Variants in CPO observed in about 807,000 individuals in gnomAD.
The protein encoded by CPO is metallocarboxypeptidase C.
CPO carries 43 observed loss-of-function variants against 41.2 expected under a neutral mutation model. The observed-to-expected ratio is 1.04, with a 90% CI of 0.82 to 1.35. The LOEUF (loss-of-function observed/expected upper bound fraction) is 1.35, where lower values mean the gene tolerates loss of function less well. CPO is among the 40% of genes most tolerant of loss of function. The pLI, the probability that CPO is intolerant of heterozygous loss-of-function variation, is 0.00. For missense variants in CPO, 408 were observed against 451.7 expected, an observed-to-expected ratio of 0.90 and a Z score of 0.88; for synonymous variants, 178 against 162.7, an observed-to-expected ratio of 1.09 and a Z score of -0.72.
chr2:206,942,931 C>T (rs75183165), intron 1 of CPO, among the ~76,000 whole-genome samples: 1,531 of 152,268 alleles, frequency 0.01, 27 homozygotes, highest in African/African-American at 0.035. Flanking sequence ...ACTTAAATCC[C>T]AGACCATTCA....
chr2:206,942,205 A>G (rs1400861362), intron 1 of CPO, among the ~76,000 whole-genome samples: 1 of 152,142 alleles, frequency 6.6e-6, no homozygotes, highest in Non-Finnish European at 1.5e-5. Flanking sequence ...TACAGAATAC[A>G]AAGAAACGAA....
chr2:206,947,231 T>A (rs2105819868), intron 1 of CPO, among the ~76,000 whole-genome samples: 1 of 152,080 alleles, frequency 6.6e-6, no homozygotes, highest in East Asian at 1.9e-4. Context: ...AACAAATAAA[T>A]CAAAGGGAGA....
At chr2:206,949,787 A>G in intron 2 of CPO, 74 bp downstream of exon 2, 1 of 911,536 alleles carries the variant, frequency 1.1e-6, no homozygotes, top group Non-Finnish European at 1.8e-6. Flanking sequence ...ATGGTTCACT[A>G]GTAATATCCA....
Position 206,969,253 on chromosome 2 carries a change from T to C in CPO, c.942T>C (p.Ser314=), listed in dbSNP as rs202095741. ...PFSYTFELRD[S]GTYGFVLPEA... ...CATATACGTTTGAGCTGAGGGACAG[T>C]GGAACATATGGGTTTGTTCTGCCAG... The change falls in exon 9 of 9, where the codon AGT becomes AGC. Residue 314 remains serine (S), a synonymous_variant. Transcript: ENST00000272852. 12 of 1,614,036 alleles carry C rather than the reference T, an allele frequency of 7.4e-6. No homozygotes were observed. The highest frequency in any genetic ancestry group is 1.0e-5 in the Non-Finnish European group (12 of 1,180,018).
chr2:206,960,780 C>A, intron 5 of CPO, 72 bp from the exon 6 acceptor site: 1 of 1,038,484 alleles, frequency 9.6e-7, no homozygotes, highest in Non-Finnish European at 1.5e-6. Flanking sequence ...TGTTCAAGGA[C>A]CACCTATCAT....
intron 5 of CPO, among the ~76,000 whole-genome samples, chr2:206,960,427 C>T (rs962566518): frequency 1.3e-5 from 2 of 152,166 alleles, no homozygotes; most frequent in African/African-American, 4.8e-5. Context: ...TCCTCAGCTT[C>T]CAGAAATGTG....
Position 206,939,701 on chromosome 2 carries a change from A to T in CPO, c.68+34A>T, listed in dbSNP as rs746014481. 1.9e-6 allele frequency: 3 copies of T among 1,566,782 alleles called. No individual in the cohort carries two copies. In the Admixed American group the frequency reaches 5.1e-5, roughly 27 times the overall value. ...AAAGTGGGAAGAGGAACTGATTATT[A>T]TAATTTAGATTGTCTAAATTGAATG... On this transcript the variant is annotated intron_variant, in intron 1 of 8. Transcript: ENST00000272852.
rs866552526 is a variant in CPO at position 206,959,734 on chromosome 2, G to A, written c.476G>A (p.Trp159Ter). The change falls in exon 5 of 9, where the codon TGG becomes TAG. Residue 159 changes from tryptophan to a stop codon, truncating the protein, a stop_gained. Transcript: ENST00000272852. LOFTEE classifies it high-confidence loss of function. ...AACATAGATGGTTATATCTACACTT[G>A]GACAACTGTGAGTACACCATGTTTG... is the stretch of plus-strand genomic sequence containing the variant. ...VLNIDGYIYT[W>*]TTDRLWRKSR... 2.8e-6 allele frequency: 4 copies of A among 1,427,648 alleles called. No individual in the cohort carries two copies. 88.4% of individuals were successfully genotyped at this position (1,427,648 alleles called of 1,614,324 possible).
chr2:206,960,726 G>T (rs753608244), intron 5 of CPO, 126 bp from the exon 6 acceptor site: 37 of 734,604 alleles, frequency 5.0e-5, no homozygotes, highest in Non-Finnish European at 8.2e-5. Context: ...GCTGCCTAAT[G>T]TTAAAGGGAA....
At chr2:206,942,167 T>C (rs549436604) in intron 1 of CPO, among the ~76,000 whole-genome samples, 2 of 152,232 alleles carry the variant, frequency 1.3e-5, no homozygotes, top group South Asian at 2.1e-4. Context: ...AGAGTTTTCA[T>C]TGGTTTGAGG....
intron 3 of CPO, among the ~76,000 whole-genome samples, chr2:206,956,070 G>A (rs923945493): frequency 6.6e-6 from 1 of 152,070 alleles, no homozygotes; most frequent in Non-Finnish European, 1.5e-5. Context: ...GCACAGCCAG[G>A]GGGATAACCA....
intron 1 of CPO, among the ~76,000 whole-genome samples, chr2:206,940,959 G>T (rs563625547): frequency 7.9e-5 from 12 of 152,004 alleles, no homozygotes; most frequent in Non-Finnish European, 1.6e-4. Context: ...AGTTTACTTG[G>T]TTTCATGTAC....
chr2:206,951,087 AAAAG>A, intron 2 of CPO, among the ~76,000 whole-genome samples: 2 of 139,584 alleles, frequency 1.4e-5, no homozygotes, highest in Middle Eastern at 7.6e-3. Flanking sequence ...AATTAAAAAA[AAAAG>A]GGGTGGAACC....
intron 6 of CPO, 60 bp from the exon 7 acceptor site, chr2:206,962,352 C>T: frequency 6.8e-7 from 1 of 1,473,554 alleles, no homozygotes; most frequent in Non-Finnish European, 9.5e-7. Flanking sequence ...GACTCCTTGC[C>T]ATTGGTCATT....
chr2:206,943,071 T>G (rs1574344354), intron 1 of CPO, among the ~76,000 whole-genome samples: 1 of 152,164 alleles, frequency 6.6e-6, no homozygotes, highest in Non-Finnish European at 1.5e-5. Context: ...TTTATTTAAT[T>G]TATTCCCCTC....
chr2:206,962,481 C>A lies in CPO; in HGVS notation c.644C>A (p.Thr215Asn). The change falls in exon 7 of 9, where the codon ACT (threonine) becomes AAT (asparagine). Residue 215 changes from threonine to asparagine, a missense_variant. Transcript: ENST00000272852. ...CGTGPVSEPE[T>N]KAVASFIESK... ...ACAGGGCCAGTGTCTGAACCAGAGA[C>A]TAAAGCTGTTGCCAGCTTCATAGAG... 6.2e-7 allele frequency: 1 copy of A among 1,614,190 alleles called. No homozygotes were observed. Among genetic ancestry groups the A allele is most frequent in the South Asian group, 1.1e-5 (1 of 91,084 alleles).
At chr2:206,954,937 C>A (rs1421092407) in intron 2 of CPO, among the ~76,000 whole-genome samples, 1 of 152,100 alleles carries the variant, frequency 6.6e-6, no homozygotes, top group East Asian at 1.9e-4. Flanking sequence ...TGGGAAAAGC[C>A]CACCCCCATG....
intron 1 of CPO, among the ~76,000 whole-genome samples, chr2:206,943,740 AG>A (rs1693084072): frequency 8.2e-6 from 1 of 122,304 alleles, no homozygotes; most frequent in Admixed American, 8.7e-5. Context: ...ATAGATAGAT[AG>A]ATAGATAGAT....
intron 2 of CPO, among the ~76,000 whole-genome samples, chr2:206,950,007 AT>A (rs1559070181): frequency 2.6e-5 from 4 of 152,190 alleles, no homozygotes; most frequent in African/African-American, 9.6e-5. Context: ...ATTAACTCTT[AT>A]TTTTGTTTGT....
Sources: allele counts gnomAD v4.1 joint callset (sites outside exome capture counted in the v4.1 genomes callset), GRCh38; gene constraint gnomAD v4.1.1; transcripts MANE v1.5; gene names NCBI Gene and HGNC (gene_info 2026-07-23, HGNC 2026-07-21).